POMT1: variants seen among roughly 807,000 people sequenced by gnomAD.
POMT1 encodes protein O-mannosyl-transferase 1.
A neutral mutation model predicts 101.6 loss-of-function variants in POMT1; 85 were observed. The observed-to-expected ratio is 0.84, with a 90% CI of 0.70 to 1.00. The LOEUF (loss-of-function observed/expected upper bound fraction) is 1.00, where lower values mean the gene tolerates loss of function less well. POMT1 is among the 50% of genes least tolerant of loss of function. The probability of loss-of-function intolerance (pLI) is 0.00; values close to 1 mark genes in which losing one functional copy is unlikely to be tolerated. For missense variants in POMT1, 857 were observed against 930.4 expected (o/e 0.92, Z 1.03); for synonymous variants, 371 against 383.0 (o/e 0.97, Z 0.37).
rs1950367897 is a variant in POMT1, at chr9:131,523,533, G to A, written c.*427G>A. The A allele has an allele frequency of 3.6e-6, 1 of 281,262 alleles. No homozygotes were observed. The highest frequency in any genetic ancestry group is 7.0e-6 in the Non-Finnish European group (1 of 143,440). The allele number at this position is 281,262 out of a possible 1,614,324, so 17.4% of individuals were successfully genotyped here. ...AGCAACCTGAGCAAGTCCCGGCCCT[G>A]CCCTCAGCGAGCCCGGCAGGCGTCC... On this transcript the variant is annotated 3_prime_UTR_variant, in exon 20 of 20. Coordinates refer to ENST00000402686, the MANE Select transcript of POMT1 (RefSeq NM_001077365.2).
At chr9:131,510,551 G>GGT (rs1946895385) in intron 9 of POMT1, 136 bp downstream of exon 9, 1 of 1,224,924 alleles carries the variant, frequency 8.2e-7, no homozygotes, top group Non-Finnish European at 1.2e-6. Flanking sequence ...TTCTTTTTTT[G>GGT]GTGGGGGGGA....
At chr9:131,504,755 A>ATGTGTGTGTGTGTGTG (rs1049729805) in intron 2 of POMT1, among the ~76,000 whole-genome samples, 28 of 148,906 alleles carry the variant, frequency 1.9e-4, no homozygotes, top group African/African-American at 6.3e-4. Context: ...TAATGTGTGT[A>ATGTGTGTGTGTGTGTG]TGTGTGTGTG....
Position 131,519,433 on chromosome 9 carries a change from C to T in POMT1, c.1531C>T (p.Gln511Ter). 1 of 1,551,964 alleles carries T rather than the reference C, an allele frequency of 6.4e-7. No individual in the cohort carries two copies. Among genetic ancestry groups the T allele is most frequent in the Non-Finnish European group, 8.7e-7 (1 of 1,147,212 alleles). ...GGAACGGGAGCTGCACTCACCTGCG[C>T]AGGTGGACGTCAGCAGGAACCTCAG... ...ERERELHSPAQVDVSRNLSFM... is the reference protein window; with the variant it reads ...ERERELHSPA Residue 511 changes from glutamine to a stop codon, truncating the protein, a stop_gained, in exon 16 of 20, where the codon CAG (glutamine) becomes TAG (stop). Transcript: ENST00000402686. LOFTEE classifies it high-confidence loss of function. This position sits in a 1 kb window ranked among gnomAD's most constrained non-coding sequence, Gnocchi z 4.3.
Position 131,507,582 on chromosome 9 carries a change from T to C in POMT1, c.427+68T>C, listed in dbSNP as rs1242471850. On this transcript the variant is annotated intron_variant, in intron 5 of 19. Transcript: ENST00000402686. ...AGAACTGACCCTTTGGCCCGGAAGA[T>C]CACATGGGCTTGGTGGGCGAGCTGC... is the stretch of plus-strand genomic sequence containing the variant. 1.1e-5 allele frequency: 17 copies of C among 1,604,162 alleles called. 1 individual carries two copies. The highest frequency in any genetic ancestry group is 1.4e-5 in the Non-Finnish European group (17 of 1,175,480).
Position 131,506,124 on chromosome 9 carries a change from G to A in POMT1, c.133G>A (p.Val45Ile), listed in dbSNP as rs1469585999. 2 of 1,613,788 alleles carry A rather than the reference G, an allele frequency of 1.2e-6. No homozygotes were observed. Among genetic ancestry groups the A allele is most frequent in the Non-Finnish European group, 1.7e-6 (2 of 1,179,798 alleles). ...TGTTTTTTTTTCTAGTTTTGACGAA[G>A]TATATTATGGGCAGTACATCTCTTT... ...TYPRAVVFDE[V>I]YYGQYISFYM... Residue 45 changes from valine (V) to isoleucine (I), a missense_variant, in exon 3 of 20, where the codon GTA (valine) becomes ATA (isoleucine). Transcript: ENST00000402686.
Position 131,504,272 on chromosome 9 carries a change from C to G in POMT1, c.54C>G (p.Ser18Arg). Residue 18 changes from serine (S) to arginine (R), a missense_variant, in exon 2 of 20, where the codon AGC becomes AGG. Physicochemically the swap from Ser to Arg is moderately radical, Grantham distance 110. Coordinates refer to ENST00000402686, the MANE Select transcript of POMT1 (RefSeq NM_001077365.2). ...PVVVTADINLSLVALTGMGLL... is the reference protein window; with the variant it reads ...PVVVTADINLRLVALTGMGLL... ...TGGTGACGGCTGACATCAACTTGAG[C>G]CTTGTGGCCCTGACTGGGATGGGGT... 6.2e-7 allele frequency: 1 copy of G among 1,614,164 alleles called. No homozygotes were observed.
In POMT1 at chr9:131,518,510, G is replaced by A; in HGVS notation, c.1338G>A (p.Val446=). The A allele has an allele frequency of 6.2e-7, 1 of 1,613,862 alleles. No individual in the cohort carries two copies. The highest frequency in any genetic ancestry group is 1.3e-5 in the African/African-American group (1 of 75,052). ...WKTILSEVRF[V]HVNTSAVLKL... is the part of the protein sequence containing the mutation. ...CCATCCTCTCAGAGGTCCGCTTTGT[G>A]CACGTGAACACTTCCGCTGTCTTAA... Residue 446 remains valine (V), a synonymous_variant, in exon 14 of 20, where the codon GTG becomes GTA. Coordinates refer to ENST00000402686, the MANE Select transcript of POMT1 (RefSeq NM_001077365.2).
At chr9:131,512,239 G>A in intron 11 of POMT1, 103 bp downstream of exon 11, 1 of 1,542,034 alleles carries the variant, frequency 6.5e-7, no homozygotes. Context: ...CTCCCTCACT[G>A]ACTCTAGTCA....
chr9:131,520,060 A>C lies in POMT1; in HGVS notation c.1585-20A>C, dbSNP rs563303292. 13 of 1,601,088 alleles carry C rather than the reference A, an allele frequency of 8.1e-6. No homozygotes were observed. In the East Asian group the frequency reaches 2.7e-4, roughly 33 times the overall value. On this transcript the variant is annotated intron_variant, in intron 16 of 19. Transcript: ENST00000402686. ...AGGCATCCCCCATCCTCAATCTCAG[A>C]GGCCTCTGCTTTGTTCCAGTGGAGG...
chr9:131,521,257 C>A, intron 17 of POMT1, 89 bp from the exon 18 acceptor site: 1 of 1,568,690 alleles, frequency 6.4e-7, no homozygotes, highest in Middle Eastern at 1.7e-4. Context: ...TAAAGTAGTG[C>A]GTGCATCTGA....
At chr9:131,508,869 C>T in intron 5 of POMT1, 42 bp from the exon 6 acceptor site, 1 of 1,423,386 alleles carries the variant, frequency 7.0e-7, no homozygotes, top group South Asian at 1.1e-5. Context: ...TACGTTTTCC[C>T]TTGCTACCTT....
intron 3 of POMT1, 44 bp from the exon 4 acceptor site, chr9:131,506,359 A>G (rs1186154010): frequency 6.3e-7 from 1 of 1,591,198 alleles, no homozygotes; most frequent in Non-Finnish European, 8.6e-7. Flanking sequence ...TACTCTAGAA[A>G]TATTTGCTGA....
In POMT1 at chr9:131,516,531, A is replaced by T. The variant is rs147065161; in HGVS notation, c.1272+1009A>T. The stretch of plus-strand genomic sequence containing the variant: ...TTTCAGTTTACCCAGTTGAGGTTGG[A>T]TATTTAGAATAATTCTGATTCAGAT... On this transcript the variant is annotated intron_variant, in intron 13 of 19. Transcript: ENST00000402686. 3.2e-5 allele frequency: 5 copies of T among 154,302 alleles called. No homozygotes were observed. The East Asian group carries it at 9.6e-4, about 30-fold the overall frequency. 9.6% of individuals were successfully genotyped at this position (154,302 alleles called of 1,614,324 possible).
chr9:131,510,977 AGTGCTG>A, intron 9 of POMT1: 2 of 263,352 alleles, frequency 7.6e-6, no homozygotes, highest in Admixed American at 5.0e-5. Context: ...GCCGACGGCC[AGTGCTG>A]TAGTGCTGTG....
chr9:131,509,702 C>G, intron 6 of POMT1, 41 bp from the exon 7 acceptor site: 1 of 1,614,152 alleles, frequency 6.2e-7, no homozygotes, highest in Non-Finnish European at 8.5e-7. Context: ...GGAAATGTGT[C>G]TGAACTATTT....
Position 131,519,972 on chromosome 9 carries a change from C to T in POMT1, c.1585-108C>T. 1 of 810,032 alleles carries T rather than the reference C, an allele frequency of 1.2e-6. No homozygotes were observed. Among genetic ancestry groups the T allele is most frequent in the Non-Finnish European group, 2.1e-6 (1 of 479,478 alleles). 50.2% of individuals were successfully genotyped at this position (810,032 alleles called of 1,614,324 possible). ...GATGCATGATCCGAATGAACTTGAGCTGGGCCAGTCCACGTGCAAGGGGCA... is the reference window on the plus strand; with the variant it reads ...GATGCATGATCCGAATGAACTTGAGTTGGGCCAGTCCACGTGCAAGGGGCA... On this transcript the variant is annotated intron_variant, in intron 16 of 19. Transcript: ENST00000402686. The surrounding 1 kb of genome is among the most constrained non-coding windows in gnomAD (Gnocchi z 4.3).
At chr9:131,511,233 C>A in intron 9 of POMT1, 104 bp from the exon 10 acceptor site, 1 of 1,265,982 alleles carries the variant, frequency 7.9e-7, no homozygotes, top group Non-Finnish European at 1.1e-6. Context: ...GAATGGCCAC[C>A]AGCCTAAACA....
In POMT1 at chr9:131,522,416, G is replaced by A. The variant is rs984927970; in HGVS notation, c.2003+192G>A. On this transcript the variant is annotated intron_variant, in intron 19 of 19. Transcript: ENST00000402686. This position sits in a 1 kb window ranked among gnomAD's most constrained non-coding sequence, Gnocchi z 5.5. ...GAGGCACTGCAGGAACCCAGAGGGAGAAGTCGCGGCTGACAGAGATGAAAG... is the reference window on the plus strand; with the variant it reads ...GAGGCACTGCAGGAACCCAGAGGGAAAAGTCGCGGCTGACAGAGATGAAAG... 3.4e-6 allele frequency: 4 copies of A among 1,190,484 alleles called. No homozygotes were observed. The African/African-American group carries it at 4.6e-5, about 14-fold the overall frequency. 73.7% of individuals were successfully genotyped at this position (1,190,484 alleles called of 1,614,324 possible). A position where few individuals can be genotyped will look rare whatever the true frequency, so the allele number is the denominator to read the frequency against.
At chr9:131,517,386 CCT>C (rs1459798440) in intron 13 of POMT1, among the ~76,000 whole-genome samples, 5 of 152,138 alleles carry the variant, frequency 3.3e-5, no homozygotes, top group South Asian at 4.2e-4. Flanking sequence ...ATGCCTGGCC[CCT>C]GTTAATTTTG....
Sources: gnomAD v4.1 joint callset for allele counts (sites outside exome capture counted in the v4.1 genomes callset) on GRCh38, gnomAD v4.1.1 for gene constraint, Gnocchi (gnomAD v3.1) non-coding constraint, MANE v1.5 for transcripts, NCBI Gene and HGNC (gene_info 2026-07-23, HGNC 2026-07-21) for gene names.